Variants in TMEM209 observed in about 807,000 individuals in gnomAD.
TMEM209 encodes the protein testicular tissue protein Li 202.
A neutral mutation model predicts 76.2 loss-of-function variants in TMEM209; 65 were observed. The observed-to-expected ratio is 0.85, with a 90% CI of 0.70 to 1.05. The LOEUF (loss-of-function observed/expected upper bound fraction) is 1.05, where lower values mean the gene tolerates loss of function less well. Ranked by LOEUF, TMEM209 falls within the 50% of genes least tolerant of loss-of-function variation. The pLI is 0.00. For synonymous variants in TMEM209, 239 were observed against 237.6 expected (o/e 1.01, Z -0.06); for missense variants, 623 against 685.5 (o/e 0.91, Z 1.02).
rs368611772 is a variant in TMEM209, at chr7:130,204,926, T to C, written c.3+447A>G. On this transcript the variant is annotated intron_variant, in intron 1 of 14. Coordinates refer to ENST00000397622, the MANE Select transcript of TMEM209 (RefSeq NM_032842.4). Reference sequence around the variant, plus strand: ...ACTCCAGGGCTCTCCCTTTTGTGTGTGGATAAAGGACAAGGATCCAAGTTT... The same window carrying C: ...ACTCCAGGGCTCTCCCTTTTGTGTGCGGATAAAGGACAAGGATCCAAGTTT... The C allele has an allele frequency of 1.1e-3, 1,200 of 1,052,548 alleles. 34 individuals carry two copies. In the South Asian group the frequency reaches 0.037, roughly 32 times the overall value. 65.2% of individuals were successfully genotyped at this position (1,052,548 alleles called of 1,614,324 possible). A position where few individuals can be genotyped will look rare whatever the true frequency, so the allele number is the denominator to read the frequency against.
At chr7:130,166,570 A>T in intron 14 of TMEM209, 65 bp from the exon 15 acceptor site, 1 of 1,027,974 alleles carries the variant, frequency 9.7e-7, no homozygotes, top group Non-Finnish European at 1.4e-6. Context: ...TTTTCTAATA[A>T]CAAAAAACTT....
At chr7:130,174,003 T>G in intron 11 of TMEM209, 64 bp from the exon 12 acceptor site, 1 of 1,081,324 alleles carries the variant, frequency 9.2e-7, no homozygotes, top group Non-Finnish European at 1.4e-6. Context: ...TGTAGAACCC[T>G]TTAGAAACAT....
chr7:130,181,561 G>T, intron 9 of TMEM209, 62 bp downstream of exon 9: 1 of 1,401,444 alleles, frequency 7.1e-7, no homozygotes, highest in Non-Finnish European at 1.0e-6. Context: ...TCCATTACAA[G>T]AAGTTTTCCA....
At chr7:130,198,788 CT>C (rs1798084432) in intron 5 of TMEM209, among the ~76,000 whole-genome samples, 1 of 151,950 alleles carries the variant, frequency 6.6e-6, no homozygotes, top group African/African-American at 2.4e-5. Flanking sequence ...TTTTTCAAAC[CT>C]TTATTTTTAA....
chr7:130,172,806 C>T (rs533183734), intron 13 of TMEM209, among the ~76,000 whole-genome samples: 1 of 151,592 alleles, frequency 6.6e-6, no homozygotes, highest in East Asian at 1.9e-4. Flanking sequence ...TGAGACCAGC[C>T]TGGCCAACAT....
At chr7:130,170,346 A>G in intron 14 of TMEM209, 54 bp downstream of exon 14, 2 of 1,454,218 alleles carry the variant, frequency 1.4e-6, no homozygotes, top group South Asian at 2.4e-5. Flanking sequence ...GAATCTTAAC[A>G]TAGGAAGAAA....
In TMEM209 at chr7:130,178,517, A is replaced by C; in HGVS notation, c.1131T>G (p.Ile377Met). The C allele has an allele frequency of 6.2e-7, 1 of 1,613,500 alleles. No homozygotes were observed. Among genetic ancestry groups the C allele is most frequent in the Non-Finnish European group, 8.5e-7 (1 of 1,179,720 alleles). Residue 377 changes from isoleucine to methionine, a missense_variant, in exon 10 of 15, where the codon ATT becomes ATG. Ile to Met is a conservative substitution (Grantham distance 10). Transcript: ENST00000397622. ...CPELQIGEAS[I>M]TSLKQAALVK... ...CCAGGGCAGCTTGTTTCAAGCTAGT[A>C]ATACTAGCCTCTGTTAACATAAAAC...
intron 6 of TMEM209, among the ~76,000 whole-genome samples, chr7:130,191,571 C>A (rs1379786868): frequency 6.6e-6 from 1 of 151,816 alleles, no homozygotes; most frequent in Non-Finnish European, 1.5e-5. Context: ...AACAAACAAA[C>A]ACAAAATTGA....
At chr7:130,176,643 A>G (rs1797246133) in intron 10 of TMEM209, among the ~76,000 whole-genome samples, 1 of 152,194 alleles carries the variant, frequency 6.6e-6, no homozygotes, top group Non-Finnish European at 1.5e-5. Flanking sequence ...CACTATGGGA[A>G]CCACTAAAGA....
chr7:130,185,681 C>A (rs1342581537), intron 6 of TMEM209, among the ~76,000 whole-genome samples: 1 of 152,136 alleles, frequency 6.6e-6, no homozygotes, highest in Admixed American at 6.5e-5. Context: ...AAGAAACAAA[C>A]AAAAGACAAA....
At chr7:130,201,686 ATGT>A in intron 5 of TMEM209, 161 bp downstream of exon 5, 3 of 840,208 alleles carry the variant, frequency 3.6e-6, no homozygotes, top group South Asian at 1.9e-5. Flanking sequence ...TCATTTTAAG[ATGT>A]TGTGTTTAAG....
At chr7:130,179,272 A>C (rs1483839419) in intron 9 of TMEM209, among the ~76,000 whole-genome samples, 2 of 152,110 alleles carry the variant, frequency 1.3e-5, no homozygotes, top group African/African-American at 4.8e-5. Context: ...AATTTGCACG[A>C]TCTACATTAC....
intron 14 of TMEM209, 116 bp from the exon 15 acceptor site, chr7:130,166,621 G>T: frequency 1.7e-6 from 1 of 588,960 alleles, no homozygotes; most frequent in Admixed American, 3.6e-5. Context: ...ATGTGATTCT[G>T]CAATGAATTA....
chr7:130,166,178 G>T lies in TMEM209; in HGVS notation c.*273C>A. On this transcript the variant is annotated 3_prime_UTR_variant, in exon 15 of 15. Transcript: ENST00000397622. ...TCATTAAGGGGAATGGCACTATTTT[G>T]AGTCAATAAAAATCCGAAGGGTTGC... is the stretch of plus-strand genomic sequence containing the variant. The T allele has an allele frequency of 3.6e-6, 1 of 274,666 alleles. No homozygotes were observed. Among genetic ancestry groups the T allele is most frequent in the Non-Finnish European group, 6.7e-6 (1 of 148,742 alleles). The allele number at this position is 274,666 out of a possible 1,614,324, so 17.0% of individuals were successfully genotyped here.
intron 10 of TMEM209, among the ~76,000 whole-genome samples, chr7:130,176,833 A>G (rs972966287): frequency 1.3e-5 from 2 of 152,182 alleles, no homozygotes; most frequent in African/African-American, 4.8e-5. Flanking sequence ...AAATTTGAAC[A>G]CAGACTTAAT....
rs180774592 is a variant in TMEM209, at chr7:130,202,073, G to A, written c.350C>T (p.Pro117Leu). The change falls in exon 5 of 15, where the codon CCA becomes CTA. Residue 117 changes from proline to leucine, a missense_variant. Pro to Leu is a moderately conservative substitution (Grantham distance 98). Transcript: ENST00000397622. The part of the protein sequence containing the change: ...LKTAVVQTTP[P>L]HDLAATQIPP... ...GATTTGGGTTGCTGCCAGATCATGTGGAGGCGTAGTCTGTACAACTAGAAG... is the reference window on the plus strand; with the variant it reads ...GATTTGGGTTGCTGCCAGATCATGTAGAGGCGTAGTCTGTACAACTAGAAG... The A allele has an allele frequency of 3.7e-6, 6 of 1,613,306 alleles. No homozygotes were observed. The highest frequency in any genetic ancestry group is 4.2e-6 in the Non-Finnish European group (5 of 1,179,712).
At chr7:130,170,849 G>C (rs1417305428) in intron 13 of TMEM209, among the ~76,000 whole-genome samples, 1 of 148,466 alleles carries the variant, frequency 6.7e-6, no homozygotes, top group African/African-American at 2.5e-5. Context: ...TTTTTTTTGA[G>C]ATGGAGTCTC....
chr7:130,198,233 T>C (rs1343562413), intron 5 of TMEM209, among the ~76,000 whole-genome samples: 1 of 152,210 alleles, frequency 6.6e-6, no homozygotes, highest in Non-Finnish European at 1.5e-5. Context: ...TGTTGTACCA[T>C]ACACCTATCA....
chr7:130,197,299 A>G (rs994000651), intron 5 of TMEM209, among the ~76,000 whole-genome samples: 1 of 152,252 alleles, frequency 6.6e-6, no homozygotes, highest in African/African-American at 2.4e-5. Flanking sequence ...AGCCTTAAAA[A>G]GGAAGGGAAT....
Sources: allele counts gnomAD v4.1 joint callset (sites outside exome capture counted in the v4.1 genomes callset), GRCh38; gene constraint gnomAD v4.1.1; transcripts MANE v1.5; gene names NCBI Gene and HGNC (gene_info 2026-07-23, HGNC 2026-07-21).